SLC6A12: variants seen among roughly 807,000 people sequenced by gnomAD.
SLC6A12 encodes solute carrier family 6 member 12.
SLC6A12 carries 50 observed loss-of-function variants against 73.3 expected under a neutral mutation model. The ratio of observed to expected loss-of-function variants is 0.68; its 90% CI spans 0.54 to 0.86. The LOEUF is 0.86. SLC6A12 is among the 40% of genes least tolerant of loss of function. The probability of loss-of-function intolerance (pLI) is 0.00; values close to 1 mark genes in which losing one functional copy is unlikely to be tolerated. For synonymous variants in SLC6A12, 304 were observed against 309.2 expected (o/e 0.98, Z 0.18); for missense variants, 648 against 772.8 (o/e 0.84, Z 1.92).
chr12:196,490 A>G (rs1939873936), intron 11 of SLC6A12, among the ~76,000 whole-genome samples: 10 of 152,292 alleles, frequency 6.6e-5, no homozygotes, highest in Admixed American at 5.9e-4. Context: ...TCTGTCCCCG[A>G]GGCTCAGGGG....
At chr12:206,520 AT>A (rs1232390259) in intron 3 of SLC6A12, among the ~76,000 whole-genome samples, 1 of 152,288 alleles carries the variant, frequency 6.6e-6, no homozygotes, top group South Asian at 2.1e-4. Flanking sequence ...GGGTATGCAC[AT>A]TTTTTAAATA....
At chr12:193,480 G>A (rs1051863134) in intron 13 of SLC6A12, 103 bp from the exon 14 acceptor site, 27 of 799,018 alleles carry the variant, frequency 3.4e-5, no homozygotes, top group East Asian at 5.3e-5. Flanking sequence ...CCTCACCCCC[G>A]CCCTGTGCAG....
At position 198,036 on chromosome 12, in the gene SLC6A12, G is replaced by T; in HGVS notation, c.847-33C>A. 6.3e-7 allele frequency: 1 copy of T among 1,574,904 alleles called. No homozygotes were observed. Among genetic ancestry groups the T allele is most frequent in the Non-Finnish European group, 8.7e-7 (1 of 1,145,104 alleles). ...AAACCCCAAGAAAGAGGTAGAGGCAGCCCCCAGGGCCCAGAGCCAGGGTGA... is the reference window on the plus strand; with the variant it reads ...AAACCCCAAGAAAGAGGTAGAGGCATCCCCCAGGGCCCAGAGCCAGGGTGA... On this transcript the variant is annotated intron_variant, in intron 8 of 15. Coordinates refer to ENST00000684302, the MANE Select transcript of SLC6A12 (RefSeq NM_001122848.3). This position sits in a 1 kb window ranked among gnomAD's most constrained non-coding sequence, Gnocchi z 4.0.
At chr12:205,830 T>C (rs1236487144) in intron 3 of SLC6A12, among the ~76,000 whole-genome samples, 1 of 152,244 alleles carries the variant, frequency 6.6e-6, no homozygotes, top group Non-Finnish European at 1.5e-5. Context: ...TTCATGTCAG[T>C]AAATACATAT....
downstream of SLC6A12, among the ~76,000 whole-genome samples, chr12:189,559 G>C (rs1323352787): frequency 6.6e-6 from 1 of 152,158 alleles, no homozygotes; most frequent in Non-Finnish European, 1.5e-5. Context: ...CCTGGGCGGG[G>C]GGTCCAGGTG....
At chr12:197,822 A>G in intron 9 of SLC6A12, 78 bp downstream of exon 9, 1 of 1,051,156 alleles carries the variant, frequency 9.5e-7, no homozygotes. Flanking sequence ...CTGGGCCCAG[A>G]GACTATGGGT....
chr12:192,513 TGAC>T lies in SLC6A12; in HGVS notation c.1663_1665del (p.Val555del). On this transcript the variant is annotated inframe_deletion, in exon 15 of 16. Coordinates refer to ENST00000684302, the MANE Select transcript of SLC6A12 (RefSeq NM_001122848.3). The stretch of plus-strand genomic sequence containing the variant: ...GGACCCCGAGTCTTCAGGAGGGTGA[TGAC>T]GACGAAGAGTGGGACACAGACCATG... The T allele has an allele frequency of 6.2e-7, 1 of 1,614,016 alleles. No homozygotes were observed. Among genetic ancestry groups the T allele is most frequent in the Non-Finnish European group, 8.5e-7 (1 of 1,180,008 alleles).
chr12:185,042 TGAAG>T, the SLC6A12 span, among the ~76,000 whole-genome samples: 1 of 151,896 alleles, frequency 6.6e-6, no homozygotes, highest in Non-Finnish European at 1.5e-5. Flanking sequence ...AGTTACCAAG[TGAAG>T]GAAGATAAGA....
rs545463609 is a variant in SLC6A12 at position 200,879 on chromosome 12, G to A, written c.579-96C>T. 1.2e-4 allele frequency: 166 copies of A among 1,336,976 alleles called. No individual in the cohort carries two copies. In the East Asian group the frequency reaches 2.1e-3, roughly 17 times the overall value. The allele number at this position is 1,336,976 out of a possible 1,614,324, so 82.8% of individuals were successfully genotyped here. ...TCCTGATTCTCAGAGCTGACCCCAC[G>A]GATCTCATATTCCAGGGCTTCCCCC... On this transcript the variant is annotated intron_variant, in intron 6 of 15. Coordinates refer to ENST00000684302, the MANE Select transcript of SLC6A12 (RefSeq NM_001122848.3).
chr12:186,429 A>G (rs1415521725), downstream of SLC6A12, among the ~76,000 whole-genome samples: 2 of 152,216 alleles, frequency 1.3e-5, no homozygotes, highest in East Asian at 1.9e-4. Context: ...TTACGGCTTA[A>G]AACAACCATA....
Position 197,920 on chromosome 12 carries a change from C to T in SLC6A12, c.930G>A (p.Lys310=). 1 of 1,379,818 alleles carries T rather than the reference C, an allele frequency of 7.2e-7. No individual in the cohort carries two copies. Among genetic ancestry groups the T allele is most frequent in the Non-Finnish European group, 9.9e-7 (1 of 1,014,198 alleles). The allele number at this position is 1,379,818 out of a possible 1,614,324, so 85.5% of individuals were successfully genotyped here. A position where few individuals can be genotyped will look rare whatever the true frequency, so the allele number is the denominator to read the frequency against. Residue 310 remains lysine, a synonymous_variant, in exon 9 of 16, where the codon AAG becomes AAA. Transcript: ENST00000684302. ...GCLTALGSYN[K]YHNNCYKDCI... Reference sequence around the variant, plus strand: ...CTCACTTGTAGCAGTTGTTGTGATACTTGTTGTAGCTGCCCAGGGCTGTCA... The same window carrying T: ...CTCACTTGTAGCAGTTGTTGTGATATTTGTTGTAGCTGCCCAGGGCTGTCA...
chr12:186,889 C>G (rs946952385), downstream of SLC6A12, among the ~76,000 whole-genome samples: 1 of 152,130 alleles, frequency 6.6e-6, no homozygotes, highest in African/African-American at 2.4e-5. Context: ...CTGTGGTAAC[C>G]CTGCTACCAC....
At position 202,813 on chromosome 12, in the gene SLC6A12, C is replaced by T; in HGVS notation, c.417G>A (p.Trp139Ter). Residue 139 changes from tryptophan (W) to a stop codon, truncating the protein, a stop_gained, in exon 5 of 16, where the codon TGG becomes TGA. Transcript: ENST00000684302. LOFTEE classifies it high-confidence loss of function. ...AGGAGCTGAACAGGTAGAAGAGAGC[C>T]CAGGCAAGGATGATGATGTAGTAGA... ...LNVYYIIILAWALFYLFSSFT... is the reference protein window; with the variant it reads ...LNVYYIIILA The T allele has an allele frequency of 1.2e-6, 2 of 1,613,902 alleles. No individual in the cohort carries two copies. Among genetic ancestry groups the T allele is most frequent in the South Asian group, 1.1e-5 (1 of 91,058 alleles).
At position 195,289 on chromosome 12, in the gene SLC6A12, A is replaced by T. The variant is rs957543091; in HGVS notation, c.1365T>A (p.Ala455=). The change falls in exon 13 of 16, where the codon GCT becomes GCA. Residue 455 remains alanine, a synonymous_variant. Transcript: ENST00000684302. ...GGAACAGCAGGCATATGCCACTGGA[A>T]GCATAGTAGTCAAACAGCTGGAAGA... ...MYIFQLFDYY[A]SSGICLLFLS... is the part of the protein sequence containing the mutation. 6.8e-6 allele frequency: 11 copies of T among 1,613,716 alleles called. No homozygotes were observed. The highest frequency in any genetic ancestry group is 9.3e-6 in the Non-Finnish European group (11 of 1,179,548).
rs891527275 is a variant in SLC6A12 at position 197,279 on chromosome 12, T to G, written c.1075+98A>C. 4.6e-5 allele frequency: 63 copies of G among 1,365,258 alleles called. No homozygotes were observed. In the African/African-American group the frequency reaches 8.1e-4, roughly 18 times the overall value. The allele number at this position is 1,365,258 out of a possible 1,614,324, so 84.6% of individuals were successfully genotyped here. ...AAACCTACTACCCATAAATAAATCA[T>G]ATTGCCCATCTTCTGGGACTCATGC... On this transcript the variant is annotated intron_variant, in intron 10 of 15. Coordinates refer to ENST00000684302, the MANE Select transcript of SLC6A12 (RefSeq NM_001122848.3).
rs1366965450 is a variant in SLC6A12 at position 201,810 on chromosome 12, G to C, written c.530C>G (p.Thr177Arg). 2 of 1,614,032 alleles carry C rather than the reference G, an allele frequency of 1.2e-6. No individual in the cohort carries two copies. The highest frequency in any genetic ancestry group is 1.7e-6 in the Non-Finnish European group (2 of 1,179,998). Residue 177 changes from threonine (T) to arginine (R), a missense_variant, in exon 6 of 16, where the codon ACA (threonine) becomes AGA (arginine). Coordinates refer to ENST00000684302, the MANE Select transcript of SLC6A12 (RefSeq NM_001122848.3). ...TDFLNHSGAG[T>R]VTPFENFTSP... ...GGTAAAATTCTCAAATGGGGTCACTGTGCCGGCTCCTGAGTGGTTCAGAAA... is the reference window on the plus strand; with the variant it reads ...GGTAAAATTCTCAAATGGGGTCACTCTGCCGGCTCCTGAGTGGTTCAGAAA...
At position 198,605 on chromosome 12, in the gene SLC6A12, A is replaced by T; in HGVS notation, c.846+192T>A. 7.2e-6 allele frequency: 4 copies of T among 554,404 alleles called. No homozygotes were observed. Among genetic ancestry groups the T allele is most frequent in the Non-Finnish European group, 1.2e-5 (4 of 328,456 alleles). 34.3% of individuals were successfully genotyped at this position (554,404 alleles called of 1,614,324 possible). The stretch of plus-strand genomic sequence containing the variant: ...AAAAAATTTTTTAAGAAAAAAAGTT[A>T]TATTTGAGTGGTGGAATTACAAGAG... On this transcript the variant is annotated intron_variant, in intron 8 of 15. Transcript: ENST00000684302. The surrounding 1 kb of genome is among the most constrained non-coding windows in gnomAD (Gnocchi z 4.0).
rs1177196233 is a variant in SLC6A12 at position 214,105 on chromosome 12, C to CAG, written c.-327_-326insCT. The CAG allele has an allele frequency of 6.5e-6, 1 of 152,684 alleles. No homozygotes were observed. The highest frequency in any genetic ancestry group is 1.5e-5 in the Non-Finnish European group (1 of 68,414). 9.5% of individuals were successfully genotyped at this position (152,684 alleles called of 1,614,324 possible). A position where few individuals can be genotyped will look rare whatever the true frequency, so the allele number is the denominator to read the frequency against. ...GAATCCCATGTGACTTGTCCAGGGA[C>CAG]TCCCAGACAGAAAGAAGCCGTGTGT... On this transcript the variant is annotated 5_prime_UTR_variant, in exon 1 of 16. Coordinates refer to ENST00000684302, the MANE Select transcript of SLC6A12 (RefSeq NM_001122848.3). The surrounding 1 kb of genome is among the most constrained non-coding windows in gnomAD (Gnocchi z 4.2).
At chr12:211,356 AG>A (rs1201082386) in intron 2 of SLC6A12, 5 of 152,338 alleles carry the variant, frequency 3.3e-5, no homozygotes, top group African/African-American at 1.2e-4. Context: ...TGGAGGGTGC[AG>A]GTTATCCCAG....
Sources: gnomAD v4.1 joint callset for allele counts (sites outside exome capture counted in the v4.1 genomes callset) on GRCh38, gnomAD v4.1.1 for gene constraint, Gnocchi (gnomAD v3.1) non-coding constraint, MANE v1.5 for transcripts, NCBI Gene and HGNC (gene_info 2026-07-23, HGNC 2026-07-21) for gene names.